ADAM9: variants seen among roughly 807,000 people sequenced by gnomAD.
ADAM9 encodes the protein ADAM metallopeptidase domain 9, also known as disintegrin and metalloproteinase domain-containing protein 9.
Under a neutral mutation model 108.1 loss-of-function variants are expected in ADAM9, and 54 were observed. The ratio of observed to expected loss-of-function variants is 0.50; its 90% CI spans 0.40 to 0.63. ADAM9 has a LOEUF of 0.63. Ranked by LOEUF, ADAM9 falls within the 20% of genes least tolerant of loss-of-function variation. The pLI is 0.00. For synonymous variants in ADAM9, 316 were observed against 336.0 expected (o/e 0.94, Z 0.65); for missense variants, 830 against 997.7 (o/e 0.83, Z 2.26).
In ADAM9 at chr8:39,102,062, G is replaced by T. The variant is rs543145026; in HGVS notation, c.2366+132G>T. The T allele has an allele frequency of 2.8e-4, 227 of 802,684 alleles. 2 individuals carry two copies. In the South Asian group the frequency reaches 3.6e-3, roughly 13 times the overall value. The allele number at this position is 802,684 out of a possible 1,614,324, so 49.7% of individuals were successfully genotyped here. Reference sequence around the variant, plus strand: ...TCAACAGTTTACAAGAATATGATTTGCAGAAAGGTTTTAAAATAACTTTAT... The same window carrying T: ...TCAACAGTTTACAAGAATATGATTTTCAGAAAGGTTTTAAAATAACTTTAT... On this transcript the variant is annotated intron_variant, in intron 21 of 21. Coordinates refer to ENST00000487273, the MANE Select transcript of ADAM9 (RefSeq NM_003816.3).
intron 16 of ADAM9, among the ~76,000 whole-genome samples, chr8:39,079,180 A>G (rs1284063445): frequency 6.6e-6 from 1 of 152,252 alleles, no homozygotes. Context: ...GTTTAACTGC[A>G]TGGTTGAAAG....
intron 12 of ADAM9, among the ~76,000 whole-genome samples, chr8:39,053,073 C>G (rs1037779245): frequency 2.0e-5 from 3 of 152,068 alleles, no homozygotes; most frequent in Non-Finnish European, 4.4e-5. Context: ...ATTTGCATTT[C>G]CTTAGTAACT....
In ADAM9 at chr8:39,035,701, C is replaced by T. The variant is rs376737856; in HGVS notation, c.1131-6245C>T. 2.0e-5 allele frequency among the ~76,000 whole-genome samples: 3 copies of T among 151,970 alleles called. No homozygotes were observed. In the East Asian group the frequency reaches 5.8e-4, roughly 29 times the overall value. ...GCATGGTGGCGGGCGCCTGTAGTCC[C>T]AGCTACTGAGGAGGCTGAGGCAGGC... On this transcript the variant is annotated intron_variant, in intron 11 of 21. Transcript: ENST00000487273.
intron 19 of ADAM9, among the ~76,000 whole-genome samples, chr8:39,090,707 A>G (rs1839325150): frequency 6.6e-6 from 1 of 152,228 alleles, no homozygotes; most frequent in Admixed American, 6.5e-5. Context: ...TTTCTGATAG[A>G]GGACTAAGTA....
Position 39,045,486 on chromosome 8 carries a change from G to GTGCGTGTGTGTACACACACCTATA in ADAM9, c.1302+3378_1302+3379insGTACACACACCTATATGCGTGTGT, listed in dbSNP as rs1409406975. Among the ~76,000 whole-genome samples, 4 of 149,496 alleles carry GTGCGTGTGTGTACACACACCTATA rather than the reference G, an allele frequency of 2.7e-5. No homozygotes were observed. In the South Asian group the frequency reaches 6.4e-4, roughly 24 times the overall value. On this transcript the variant is annotated intron_variant, in intron 12 of 21. Transcript: ENST00000487273. ...TGCGTGTGTGTACACACACCTATAT[G>GTGCGTGTGTGTACACACACCTATA]TGCGTGTGTATACATATGTGTGTGT...
chr8:39,049,004 T>G (rs1174319031), intron 12 of ADAM9, among the ~76,000 whole-genome samples: 1 of 151,328 alleles, frequency 6.6e-6, no homozygotes, highest in Non-Finnish European at 1.5e-5. Flanking sequence ...TATAGTTTTT[T>G]TTTTTTTTTT....
Position 39,018,904 on chromosome 8 carries a change from G to A in ADAM9, c.658G>A (p.Val220Ile), listed in dbSNP as rs138367650. The A allele has an allele frequency of 3.6e-5, 58 of 1,613,788 alleles. No individual in the cohort carries two copies. The highest frequency in any genetic ancestry group is 1.5e-4 in the African/African-American group (11 of 74,880). ...CCGGTATGTGGAGCTGTTCATTGTC[G>A]TAGACAAGGAAAGGGTAAGATTGGT... ...QTRYVELFIVVDKERYDMMGR... is the reference protein window; with the variant it reads ...QTRYVELFIVIDKERYDMMGR... Residue 220 changes from valine to isoleucine, a missense_variant, in exon 7 of 22, where the codon GTA becomes ATA. Val to Ile is a conservative substitution (Grantham distance 29). Around this residue, in one of 3 missense-constraint regions of ADAM9, gnomAD observed 381 missense variants for 539.8 expected, o/e 0.71. Transcript: ENST00000487273.
intron 16 of ADAM9, 57 bp from the exon 17 acceptor site, chr8:39,082,584 A>T: frequency 7.2e-7 from 1 of 1,390,704 alleles, no homozygotes; most frequent in Admixed American, 1.7e-5. Context: ...TTTTCTGGGT[A>T]CTTTTTAATG....
At chr8:39,042,191 G>A (rs1837475348) in intron 12 of ADAM9, 74 bp downstream of exon 12, 1 of 1,539,936 alleles carries the variant, frequency 6.5e-7, no homozygotes, top group African/African-American at 1.4e-5. Flanking sequence ...CTTGCTTTGG[G>A]CAACTCTGAC....
Position 39,064,469 on chromosome 8 carries a change from G to A in ADAM9, c.1592-6829G>A, listed in dbSNP as rs556750833. 5.3e-5 allele frequency among the ~76,000 whole-genome samples: 8 copies of A among 152,224 alleles called. No individual in the cohort carries two copies. In the East Asian group the frequency reaches 1.5e-3, roughly 29 times the overall value. On this transcript the variant is annotated intron_variant, in intron 14 of 21. Transcript: ENST00000487273. ...ATAAGCAATTGGCTCATGCGATTAT[G>A]GTAAGCAACTGAAAATCCCAGATTT...
intron 20 of ADAM9, among the ~76,000 whole-genome samples, chr8:39,099,304 G>A (rs1002488419): frequency 6.6e-6 from 1 of 152,082 alleles, no homozygotes; most frequent in East Asian, 1.9e-4. Flanking sequence ...AGGCAACTCC[G>A]TAGTTTGGAC....
intron 4 of ADAM9, chr8:39,014,850 A>G (rs954525124): frequency 2.2e-5 from 7 of 320,906 alleles, no homozygotes; most frequent in Non-Finnish European, 2.8e-5. Context: ...AGTACTTACA[A>G]AAACCAAGGA....
Position 39,021,676 on chromosome 8 carries a change from A to G in ADAM9, c.706A>G (p.Arg236Gly). The G allele has an allele frequency of 6.2e-7, 1 of 1,614,070 alleles. No homozygotes were observed. The highest frequency in any genetic ancestry group is 8.5e-7 in the Non-Finnish European group (1 of 1,179,930). The change falls in exon 8 of 22, where the codon AGA (arginine) becomes GGA (glycine). Residue 236 changes from arginine to glycine, a missense_variant. Coordinates refer to ENST00000487273, the MANE Select transcript of ADAM9 (RefSeq NM_003816.3). ...GATGGGAAGAAATCAGACTGCTGTG[A>G]GAGAAGAGATGATTCTCCTGGCAAA... ...DMMGRNQTAV[R>G]EEMILLANYL...
chr8:39,015,346 G>A (rs1836492366), intron 4 of ADAM9: 1 of 152,170 alleles, frequency 6.6e-6, no homozygotes, highest in Non-Finnish European at 1.5e-5. Context: ...ATTATTGACA[G>A]CGTATGTTCT....
chr8:39,045,096 G>GTGTGTGTGCATACATACACA (rs1837615277), intron 12 of ADAM9, among the ~76,000 whole-genome samples: 1 of 15,476 alleles, frequency 6.5e-5, no homozygotes, highest in African/African-American at 3.1e-4. Flanking sequence ...ACATACATAT[G>GTGTGTGTGCATACATACACA]TGTGTGTGCA....
At chr8:39,080,372 G>A (rs569986869) in intron 16 of ADAM9, among the ~76,000 whole-genome samples, 92 of 152,096 alleles carry the variant, frequency 6.0e-4, no homozygotes, top group African/African-American at 2.1e-3. Context: ...AAGACCTTTT[G>A]TCTTTCTGGA....
intron 1 of ADAM9, among the ~76,000 whole-genome samples, chr8:39,000,201 C>G (rs190110873): frequency 1.4e-4 from 22 of 152,134 alleles, no homozygotes; most frequent in Non-Finnish European, 2.8e-4. Flanking sequence ...ACGGTATTAG[C>G]CAGGATGGTC....
rs1836568256 is a variant in ADAM9 at position 39,017,352 on chromosome 8, A to G, written c.544A>G (p.Ile182Val). Residue 182 changes from isoleucine (I) to valine (V), a missense_variant, in exon 6 of 22, where the codon ATA becomes GTA. Ile to Val is a conservative substitution (Grantham distance 29). This residue lies in a region of ADAM9 where 211 missense variants were observed against 222.2 expected (regional missense o/e 0.95). Transcript: ENST00000487273. The part of the protein sequence containing the change: ...PLKCGVSNKD[I>V]EKETAKDEEE... ...GAAATGTGGAGTTTCCAACAAGGAT[A>G]TAGAGAAAGAAACTGCAAAGGATGA... 3 of 1,614,178 alleles carry G rather than the reference A, an allele frequency of 1.9e-6. No individual in the cohort carries two copies. The highest frequency in any genetic ancestry group is 1.7e-6 in the Non-Finnish European group (2 of 1,180,022).
intron 15 of ADAM9, among the ~76,000 whole-genome samples, chr8:39,075,376 G>A (rs1004035196): frequency 4.6e-5 from 7 of 152,076 alleles, no homozygotes; most frequent in Admixed American, 4.6e-4. Context: ...TTTTAAAATT[G>A]CAGCTGTCAG....
Sources: allele counts gnomAD v4.1 joint callset (sites outside exome capture counted in the v4.1 genomes callset), GRCh38; gene constraint gnomAD v4.1.1; regional missense constraint gnomAD v4.1.1; transcripts MANE v1.5; gene names NCBI Gene and HGNC (gene_info 2026-07-23, HGNC 2026-07-21).